Variants in SETD4 observed in about 807,000 individuals in gnomAD.
SETD4 encodes SET domain containing 4, also known as SET domain-containing protein 4.
A neutral mutation model predicts 58.3 loss-of-function variants in SETD4; 46 were observed. That is an observed-to-expected ratio of 0.79 (90% CI 0.62 to 1.01). SETD4 has a LOEUF of 1.01. Ranked by LOEUF, SETD4 falls within the 50% of genes least tolerant of loss-of-function variation. The pLI, the probability that SETD4 is intolerant of heterozygous loss-of-function variation, is 0.00. For missense variants in SETD4, 490 were observed against 523.3 expected, an observed-to-expected ratio of 0.94 and a Z score of 0.62; for synonymous variants, 190 against 202.6, an observed-to-expected ratio of 0.94 and a Z score of 0.53.
chr21:36,051,263 C>T, intron 4 of SETD4: 1 of 1,599,060 alleles, frequency 6.3e-7, no homozygotes, highest in South Asian at 1.1e-5. Context: ...CAAGTTCCAG[C>T]TCTGTTGACA....
chr21:36,056,986 AG>A, intron 3 of SETD4, 122 bp downstream of exon 3: 2 of 757,684 alleles, frequency 2.6e-6, no homozygotes, highest in Non-Finnish European at 4.6e-6. Flanking sequence ...CTCCAACCCA[AG>A]GGGAACACAT....
intron 2 of SETD4, among the ~76,000 whole-genome samples, chr21:36,058,284 C>T (rs554877775): frequency 2.0e-5 from 3 of 152,088 alleles, no homozygotes; most frequent in Admixed American, 6.5e-5. Flanking sequence ...GAGGACCACT[C>T]GAGCCCAGGA....
intron 1 of SETD4, 75 bp downstream of exon 1, chr21:36,060,272 A>G (rs117315657): frequency 5.2e-6 from 2 of 382,350 alleles, no homozygotes; most frequent in Non-Finnish European, 7.2e-6. Context: ...TGAAAGACTA[A>G]GGAACGCACC....
At position 36,045,852 on chromosome 21, in the gene SETD4, G is replaced by C; in HGVS notation, c.456C>G (p.Pro152=). The C allele has an allele frequency of 6.2e-7, 1 of 1,614,098 alleles. No homozygotes were observed. Among genetic ancestry groups the C allele is most frequent in the Non-Finnish European group, 8.5e-7 (1 of 1,180,026 alleles). Residue 152 remains proline (P), a synonymous_variant, in exon 6 of 12, where the codon CCC becomes CCG. Transcript: ENST00000332131. ...CTTCAGCCTTTGCTTTTAAAGATTT[G>C]GGAAGAAGGTTCACCACTTCCGGCT... The part of the protein sequence containing the change: ...CLEPEVVNLL[P]KSLKAKAEEQ...
chr21:36,036,374 G>T (rs957635176), intron 10 of SETD4, 123 bp from the exon 11 acceptor site: 7 of 1,014,620 alleles, frequency 6.9e-6, no homozygotes, highest in Non-Finnish European at 9.8e-6. Flanking sequence ...CATTCACATT[G>T]TTTAGATCCA....
intron 5 of SETD4, 49 bp from the exon 6 acceptor site, chr21:36,046,060 C>T (rs780624255): frequency 2.7e-5 from 43 of 1,574,274 alleles, no homozygotes; most frequent in Non-Finnish European, 3.7e-5. Context: ...ATTCAAAATA[C>T]GAAATAAGCC....
chr21:36,060,088 A>G, intron 1 of SETD4: 3 of 985,630 alleles, frequency 3.0e-6, no homozygotes, highest in Non-Finnish European at 3.6e-6. Context: ...GCCATAGGCC[A>G]GCCAGGCGAG....
intron 2 of SETD4, 35 bp downstream of exon 2, chr21:36,058,781 T>C (rs1456972620): frequency 1.9e-6 from 3 of 1,562,898 alleles, no homozygotes; most frequent in Non-Finnish European, 2.6e-6. Flanking sequence ...AAAGGATTTC[T>C]TTTTTCATTA....
At chr21:36,039,498 A>G (rs543720754) in intron 9 of SETD4, among the ~76,000 whole-genome samples, 10 of 152,376 alleles carry the variant, frequency 6.6e-5, no homozygotes, top group African/African-American at 2.4e-4. Flanking sequence ...AGAAGCTAAC[A>G]TAAGTACACA....
At chr21:36,051,084 G>T (rs1326158533) in intron 4 of SETD4, 1 of 1,425,814 alleles carries the variant, frequency 7.0e-7, no homozygotes, top group Admixed American at 1.7e-5. Flanking sequence ...CTTTCATAAG[G>T]CTTGTAATCT....
chr21:36,042,054 A>T (rs1292964109), intron 7 of SETD4, 166 bp from the exon 8 acceptor site: 2 of 488,702 alleles, frequency 4.1e-6, no homozygotes, highest in African/African-American at 4.0e-5. Context: ...CAATTCAGTC[A>T]CATCAGTACT....
rs752372909 is a variant in SETD4 at position 36,053,635 on chromosome 21, A to G, written c.170-15T>C. 1.2e-5 allele frequency: 20 copies of G among 1,613,666 alleles called. No homozygotes were observed. The highest frequency in any genetic ancestry group is 8.3e-5 in the Admixed American group (5 of 60,004). On this transcript the variant is annotated splice_polypyrimidine_tract_variant and intron_variant, in intron 3 of 11. Coordinates refer to ENST00000332131, the MANE Select transcript of SETD4 (RefSeq NM_017438.5). ...TCTTCCTGTACCTAGGAAAGCAAAG[A>G]CAGAAAGAGAGTAAATCCTACCATA...
Position 36,035,826 on chromosome 21 carries a change from CCAGA to C in SETD4, c.*163_*166del, listed in dbSNP as rs2063758801. The C allele has an allele frequency of 2.4e-6, 1 of 423,340 alleles. No homozygotes were observed. Among genetic ancestry groups the C allele is most frequent in the African/African-American group, 2.1e-5 (1 of 48,674 alleles). The allele number at this position is 423,340 out of a possible 1,614,324, so 26.2% of individuals were successfully genotyped here. ...TTCGGAAGAGCATTAGACCTGCCAT[CCAGA>C]CAGCTTGTCCACCTTCACTCACAGC... On this transcript the variant is annotated 3_prime_UTR_variant, in exon 12 of 12. Coordinates refer to ENST00000332131, the MANE Select transcript of SETD4 (RefSeq NM_017438.5).
chr21:36,036,535 C>T (rs1042509119), intron 10 of SETD4: 46 of 654,864 alleles, frequency 7.0e-5, no homozygotes, highest in Middle Eastern at 7.6e-4. Context: ...AGGAACCTCA[C>T]AGAAGTGGAT....
rs1421624072 is a variant in SETD4, at chr21:36,057,112, G to A, written c.166C>T (p.Pro56Ser). The change falls in exon 3 of 12, where the codon CCA (proline) becomes TCA (serine). Residue 56 changes from proline (P) to serine (S), a missense_variant. Transcript: ENST00000332131. ...QDSNLAPACF[P>S]GTGRGLMSQT... ...ACAGCTGAAGGCTAGATCTTACCTG[G>A]AAAACAAGCAGGCGCTAAGTTTGAA... 1 of 1,613,740 alleles carries A rather than the reference G, an allele frequency of 6.2e-7. No homozygotes were observed. The highest frequency in any genetic ancestry group is 1.1e-5 in the South Asian group (1 of 91,064).
intron 2 of SETD4, 66 bp from the exon 3 acceptor site, chr21:36,057,270 A>G: frequency 8.6e-7 from 1 of 1,164,556 alleles, no homozygotes; most frequent in Non-Finnish European, 1.3e-6. Flanking sequence ...CATTTTTAAA[A>G]GAACATGTCT....
intron 2 of SETD4, among the ~76,000 whole-genome samples, 183 bp downstream of exon 2, chr21:36,058,633 G>A (rs539747149): frequency 6.6e-5 from 10 of 152,218 alleles, no homozygotes; most frequent in Admixed American, 1.3e-4. Flanking sequence ...CAGGAGAATC[G>A]CTTGAACCGG....
chr21:36,051,575 G>A (rs950766631), intron 4 of SETD4, among the ~76,000 whole-genome samples: 20 of 152,306 alleles, frequency 1.3e-4, no homozygotes, highest in Admixed American at 4.6e-4. Flanking sequence ...AAATCCTACA[G>A]AGAGGCAGAA....
intron 4 of SETD4, chr21:36,050,117 T>C (rs2064572700): frequency 2.8e-6 from 2 of 726,182 alleles, no homozygotes; most frequent in East Asian, 2.5e-5. Flanking sequence ...CTCAGGACTC[T>C]TGCAGACCTC....
Sources: allele counts gnomAD v4.1 joint callset (sites outside exome capture counted in the v4.1 genomes callset), GRCh38; gene constraint gnomAD v4.1.1; transcripts MANE v1.5; gene names NCBI Gene and HGNC (gene_info 2026-07-23, HGNC 2026-07-21).